FGF6: variants seen among roughly 807,000 people sequenced by gnomAD.
The protein encoded by FGF6 is fibroblast growth factor 6, also known as FGF-6.
Under a neutral mutation model 18.4 loss-of-function variants are expected in FGF6, and 14 were observed. That is an observed-to-expected ratio of 0.76 (90% confidence interval 0.50 to 1.19). The LOEUF (loss-of-function observed/expected upper bound fraction) is 1.19. FGF6 is among the 50% of genes most tolerant of loss of function. The pLI is 0.00. For missense variants in FGF6, 266 were observed against 271.6 expected, an observed-to-expected ratio of 0.98 and a Z score of 0.15; for synonymous variants, 125 against 116.7, an observed-to-expected ratio of 1.07 and a Z score of -0.46.
chr12:4,436,464 TAA>T lies in FGF6; in HGVS notation c.451-2075_451-2074del, dbSNP rs35981180. Among the ~76,000 whole-genome samples the T allele has an allele frequency of 5.9e-3, 837 of 140,884 alleles. 32 individuals are homozygous for T. The highest frequency in any genetic ancestry group is 0.038 in the East Asian group (182 of 4,788). The allele number at this position is 140,884 out of a possible 152,430, so 92.4% of individuals were successfully genotyped here. A position where few individuals can be genotyped will look rare whatever the true frequency, so the allele number is the denominator to read the frequency against. On this transcript the variant is annotated intron_variant, in intron 2 of 2. Transcript: ENST00000228837. ...GCAAGACCTTGTCTCTACAAAAGCT[TAA>T]AAAAAAAAAAAAGGCAGGTATGATG...
At chr12:4,435,548 G>A (rs895365212) in intron 2 of FGF6, among the ~76,000 whole-genome samples, 1 of 152,146 alleles carries the variant, frequency 6.6e-6, no homozygotes, top group African/African-American at 2.4e-5. Flanking sequence ...GACAATCATA[G>A]TTCTCCAGGG....
intron 2 of FGF6, among the ~76,000 whole-genome samples, chr12:4,438,497 T>C (rs1265590951): frequency 3.9e-5 from 6 of 152,130 alleles, no homozygotes; most frequent in Non-Finnish European, 5.9e-5. Context: ...CTGAGGTGGC[T>C]CATGCCTGTA....
chr12:4,445,522 G>C lies in FGF6; in HGVS notation c.49C>G (p.Arg17Gly). Residue 17 changes from arginine to glycine, a missense_variant, in exon 1 of 3, where the codon CGT becomes GGT. Transcript: ENST00000228837. The surrounding 1 kb of genome is among the most constrained non-coding windows in gnomAD (Gnocchi z 5.5). ...AGAGCCCACAGCGTGCCCTGCAGACGTCCTGCTCCCCGGGACATAGTGATG... is the reference window on the plus strand; with the variant it reads ...AGAGCCCACAGCGTGCCCTGCAGACCTCCTGCTCCCCGGGACATAGTGATG... ...LFITMSRGAGRLQGTLWALVF... is the reference protein window; with the variant it reads ...LFITMSRGAGGLQGTLWALVF... 6.2e-7 allele frequency: 1 copy of C among 1,611,596 alleles called. No homozygotes were observed. The highest frequency in any genetic ancestry group is 8.5e-7 in the Non-Finnish European group (1 of 1,179,410).
intron 2 of FGF6, among the ~76,000 whole-genome samples, chr12:4,443,564 T>C (rs1008733531): frequency 1.3e-5 from 2 of 151,890 alleles, no homozygotes; most frequent in Non-Finnish European, 2.9e-5. Flanking sequence ...GGGATGGGAA[T>C]GGGTGGGACT....
intron 1 of FGF6, 76 bp from the exon 2 acceptor site, chr12:4,444,312 T>A: frequency 1.1e-6 from 1 of 922,622 alleles, no homozygotes; most frequent in Non-Finnish European, 1.8e-6. Flanking sequence ...CAAGGGCATC[T>A]CAGTCCATCC....
At position 4,434,264 on chromosome 12, in the gene FGF6, C is replaced by T; in HGVS notation, c.578G>A (p.Ser193Asn). ...LSKYGRVKRG[S>N]KVSPIMTVTH... ...GACAGTCATGATCGGGGACACCTTG[C>T]TGCCCCGCTTTACCCGTCCGTATTT... Residue 193 changes from serine (S) to asparagine (N), a missense_variant, in exon 3 of 3, where the codon AGC becomes AAC. Transcript: ENST00000228837. The T allele has an allele frequency of 1.9e-6, 3 of 1,614,196 alleles. No homozygotes were observed. The highest frequency in any genetic ancestry group is 1.7e-4 in the Middle Eastern group (1 of 6,052).
intron 1 of FGF6, among the ~76,000 whole-genome samples, chr12:4,444,824 A>G (rs766536339): frequency 2.0e-5 from 3 of 152,216 alleles, no homozygotes; most frequent in African/African-American, 4.8e-5. Context: ...ACATTTTGCA[A>G]TTGAATTTCC....
At position 4,445,175 on chromosome 12, in the gene FGF6, G is replaced by T; in HGVS notation, c.346+50C>A. The T allele has an allele frequency of 6.7e-7, 1 of 1,492,252 alleles. No individual in the cohort carries two copies. Among genetic ancestry groups the T allele is most frequent in the South Asian group, 1.2e-5 (1 of 82,680 alleles). 92.4% of individuals were successfully genotyped at this position (1,492,252 alleles called of 1,614,324 possible). Reference sequence around the variant, plus strand: ...CAGGGCCCCTTCACCTTTTAGCCCTGCATGAGCCCAAACCCCCAAGCGTCC... The same window carrying T: ...CAGGGCCCCTTCACCTTTTAGCCCTTCATGAGCCCAAACCCCCAAGCGTCC... On this transcript the variant is annotated intron_variant, in intron 1 of 2. Transcript: ENST00000228837. This position sits in a 1 kb window ranked among gnomAD's most constrained non-coding sequence, Gnocchi z 5.5.
At chr12:4,440,252 G>T (rs1865675546) in intron 2 of FGF6, among the ~76,000 whole-genome samples, 1 of 152,208 alleles carries the variant, frequency 6.6e-6, no homozygotes, top group African/African-American at 2.4e-5. Flanking sequence ...ACTCACTATG[G>T]AGAAGGGCAT....
Position 4,445,574 on chromosome 12 carries a change from C to T in FGF6, c.-4G>A, listed in dbSNP as rs372368004. On this transcript the variant is annotated 5_prime_UTR_variant, in exon 1 of 3. The change creates a new upstream start codon in the 5' untranslated region. Coordinates refer to ENST00000228837, the MANE Select transcript of FGF6 (RefSeq NM_020996.3). This position sits in a 1 kb window ranked among gnomAD's most constrained non-coding sequence, Gnocchi z 5.5. ...ACAGTTTCTGTCCCAGGGCCATCCA[C>T]CTTGCCTCTCAGGCACGTGGTCAGA... The T allele has an allele frequency of 7.0e-6, 11 of 1,572,072 alleles. No homozygotes were observed. Among genetic ancestry groups the T allele is most frequent in the Non-Finnish European group, 9.5e-6 (11 of 1,157,006 alleles).
intron 2 of FGF6, among the ~76,000 whole-genome samples, chr12:4,442,430 C>T (rs1865702999): frequency 6.6e-6 from 1 of 152,260 alleles, no homozygotes; most frequent in African/African-American, 2.4e-5. Context: ...TGCATTTTCT[C>T]CTCCCCACAA....
At chr12:4,440,204 A>G (rs1347299917) in intron 2 of FGF6, among the ~76,000 whole-genome samples, 2 of 152,216 alleles carry the variant, frequency 1.3e-5, no homozygotes, top group African/African-American at 2.4e-5. Context: ...AATATCTTCA[A>G]TTTGATGTAG....
chr12:4,436,539 C>T (rs1055030552), intron 2 of FGF6, among the ~76,000 whole-genome samples: 10 of 152,012 alleles, frequency 6.6e-5, no homozygotes, highest in Non-Finnish European at 1.0e-4. Context: ...GTGGGAGAAC[C>T]GCTTGAGGTC....
chr12:4,440,865 GTCCTCCCAGC>G (rs1252788750), intron 2 of FGF6, among the ~76,000 whole-genome samples: 1 of 152,174 alleles, frequency 6.6e-6, no homozygotes, highest in Non-Finnish European at 1.5e-5. Flanking sequence ...GGCAAGGCTG[GTCCTCCCAGC>G]CTTGTAATGC....
chr12:4,434,817 C>G (rs979471904), intron 2 of FGF6, among the ~76,000 whole-genome samples: 14 of 152,198 alleles, frequency 9.2e-5, no homozygotes, highest in African/African-American at 3.4e-4. Context: ...TCTACTGGAG[C>G]AGGGATGAGA....
At chr12:4,436,337 A>G (rs1329541886) in intron 2 of FGF6, among the ~76,000 whole-genome samples, 1 of 152,050 alleles carries the variant, frequency 6.6e-6, no homozygotes, top group African/African-American at 2.4e-5. Flanking sequence ...TAGCGACAAC[A>G]TGGCTGGTTT....
intron 2 of FGF6, among the ~76,000 whole-genome samples, chr12:4,439,121 A>G (rs1430863503): frequency 6.6e-6 from 1 of 152,180 alleles, no homozygotes; most frequent in East Asian, 1.9e-4. Context: ...TTTTCTCCTT[A>G]AAACATGTTC....
At chr12:4,435,642 A>C (rs1049572543) in intron 2 of FGF6, among the ~76,000 whole-genome samples, 1 of 152,120 alleles carries the variant, frequency 6.6e-6, no homozygotes, top group African/African-American at 2.4e-5. Context: ...GAGGCCAAGG[A>C]GCCTGGGACC....
Position 4,445,051 on chromosome 12 carries a change from C to T in FGF6, c.346+174G>A, listed in dbSNP as rs536174388. On this transcript the variant is annotated intron_variant, in intron 1 of 2. Coordinates refer to ENST00000228837, the MANE Select transcript of FGF6 (RefSeq NM_020996.3). This position sits in a 1 kb window ranked among gnomAD's most constrained non-coding sequence, Gnocchi z 5.5. ...GCAAAGAACACCAGGATGCTTGGACCGCAGTATATTGAGCTTGCACCCAGG... is the reference window on the plus strand; with the variant it reads ...GCAAAGAACACCAGGATGCTTGGACTGCAGTATATTGAGCTTGCACCCAGG... Among the ~76,000 whole-genome samples, 233 of 152,222 alleles carry T rather than the reference C, an allele frequency of 1.5e-3. 2 individuals are homozygous for T. The highest frequency in any genetic ancestry group is 2.7e-3 in the Non-Finnish European group (183 of 68,010).
Sources: gnomAD v4.1 joint callset for allele counts (sites outside exome capture counted in the v4.1 genomes callset) on GRCh38, gnomAD v4.1.1 for gene constraint, Gnocchi (gnomAD v3.1) non-coding constraint, MANE v1.5 for transcripts, NCBI Gene and HGNC (gene_info 2026-07-23, HGNC 2026-07-21) for gene names.